The following SLC25A28 variants were observed in gnomAD, a reference collection of about 807,000 sequenced individuals.
SLC25A28 encodes solute carrier family 25 member 28.
Under a neutral mutation model 31.9 loss-of-function variants are expected in SLC25A28, and 10 were observed. That is an observed-to-expected ratio of 0.31 (90% CI 0.19 to 0.53). SLC25A28 has a LOEUF of 0.53. Ranked by LOEUF, SLC25A28 falls within the 20% of genes least tolerant of loss-of-function variation. The pLI, the probability that SLC25A28 is intolerant of heterozygous loss-of-function variation, is 0.95. For missense variants in SLC25A28, 256 were observed against 490.3 expected, an observed-to-expected ratio of 0.52 and a Z score of 4.51; for synonymous variants, 208 against 203.6, an observed-to-expected ratio of 1.02 and a Z score of -0.19.
At chr10:99,624,601 G>A (rs766757971), upstream of SLC25A28, among the ~76,000 whole-genome samples, 50 of 152,188 alleles carry the variant, frequency 3.3e-4, no homozygotes, top group Admixed American at 2.6e-4. Flanking sequence ...TTGGGAGACC[G>A]AGGCAGGTAG....
upstream of SLC25A28, among the ~76,000 whole-genome samples, chr10:99,624,172 CT>C (rs1467338575): frequency 6.9e-6 from 1 of 145,382 alleles, no homozygotes; most frequent in Non-Finnish European, 1.5e-5. Context: ...TTTCTCCTTC[CT>C]TCCTTTTTTT....
the SLC25A28 span, among the ~76,000 whole-genome samples, chr10:99,636,313 A>G: frequency 1.3e-5 from 2 of 152,238 alleles, no homozygotes; most frequent in Admixed American, 1.3e-4. Context: ...AATCAACTCC[A>G]AAAGGAACCT....
rs1185613597 is a variant in SLC25A28, at chr10:99,611,773, C to G, written c.578-407G>C. ...CCCTAACAATCCCAATCCTCGCATA[C>G]AAAGAGCACCTAACTTTTAAAATGT... is the stretch of plus-strand genomic sequence containing the variant. On this transcript the variant is annotated intron_variant, in intron 3 of 3. Transcript: ENST00000370495. The surrounding 1 kb of genome is among the most constrained non-coding windows in gnomAD (Gnocchi z 5.5). Among the ~76,000 whole-genome samples, 1 of 152,178 alleles carries G rather than the reference C, an allele frequency of 6.6e-6. No homozygotes were observed. The highest frequency in any genetic ancestry group is 2.4e-5 in the African/African-American group (1 of 41,438).
chr10:99,618,219 C>T (rs1365750588), intron 1 of SLC25A28: 2 of 935,194 alleles, frequency 2.1e-6, no homozygotes, highest in African/African-American at 3.6e-5. Context: ...TTTATAGCAA[C>T]AATAGCACTA....
the SLC25A28 span, among the ~76,000 whole-genome samples, chr10:99,635,557 A>G: frequency 3.9e-5 from 6 of 152,242 alleles, no homozygotes; most frequent in East Asian, 1.2e-3. Context: ...ACACACCTGT[A>G]GTTCCAGCTA....
At chr10:99,641,073 A>G in the SLC25A28 span, among the ~76,000 whole-genome samples, 8 of 152,214 alleles carry the variant, frequency 5.3e-5, no homozygotes, top group Admixed American at 4.6e-4. Context: ...TCCTTTGGGT[A>G]TATACCCAGT....
At chr10:99,623,746 A>G (rs1040609924), upstream of SLC25A28, among the ~76,000 whole-genome samples, 5 of 152,190 alleles carry the variant, frequency 3.3e-5, no homozygotes, top group Non-Finnish European at 7.4e-5. Context: ...CCTCTGCCAC[A>G]TGACTAGTGA....
At chr10:99,622,700 C>T (rs906591018), upstream of SLC25A28, 3 of 985,332 alleles carry the variant, frequency 3.0e-6, no homozygotes, top group African/African-American at 5.2e-5. Context: ...TTACACTTCT[C>T]TAGCCATTGA....
chr10:99,618,550 T>A, intron 1 of SLC25A28: 1 of 985,436 alleles, frequency 1.0e-6, no homozygotes, highest in South Asian at 4.7e-5. Flanking sequence ...TGTGCATCTT[T>A]TTTATTTATA....
In SLC25A28 at chr10:99,613,671, G is replaced by A. The variant is rs149129501; in HGVS notation, c.520+25C>T. The A allele has an allele frequency of 3.2e-5, 52 of 1,614,114 alleles. No individual in the cohort carries two copies. In the African/African-American group the frequency reaches 6.0e-4, roughly 19 times the overall value. ...AGCCCAAAGAGTTGGGAAAGTGGGG[G>A]AACCAGCACAGGAAGGCTCAATACC... On this transcript the variant is annotated intron_variant, in intron 2 of 3. Transcript: ENST00000370495. The surrounding 1 kb of genome is among the most constrained non-coding windows in gnomAD (Gnocchi z 4.9).
chr10:99,647,417 G>T, the SLC25A28 span, among the ~76,000 whole-genome samples: 1 of 152,174 alleles, frequency 6.6e-6, no homozygotes, highest in African/African-American at 2.4e-5. Context: ...GATTAGTGAT[G>T]TTGAACACTT....
the SLC25A28 span, among the ~76,000 whole-genome samples, chr10:99,654,420 G>A: frequency 6.6e-6 from 1 of 152,064 alleles, no homozygotes. Flanking sequence ...TTATAAGATG[G>A]TTACAGCAGC....
the SLC25A28 span, among the ~76,000 whole-genome samples, chr10:99,631,302 C>G: frequency 6.6e-6 from 1 of 152,168 alleles, no homozygotes; most frequent in Non-Finnish European, 1.5e-5. Flanking sequence ...ACCCTAGAAG[C>G]TGGGCTATTA....
chr10:99,640,090 G>A, the SLC25A28 span, among the ~76,000 whole-genome samples: 113 of 152,278 alleles, frequency 7.4e-4, no homozygotes, highest in Admixed American at 1.5e-3. Flanking sequence ...ATTTATGAGC[G>A]GCTCACTATG....
At chr10:99,621,065 G>C, upstream of SLC25A28, 3 of 866,478 alleles carry the variant, frequency 3.5e-6, no homozygotes, top group Non-Finnish European at 4.2e-6. Context: ...GCCGGCCTGG[G>C]CCGGTCATCC....
the SLC25A28 span, among the ~76,000 whole-genome samples, chr10:99,648,260 G>A: frequency 1.3e-5 from 2 of 151,552 alleles, no homozygotes; most frequent in East Asian, 3.9e-4. Context: ...GTCTTCCAAA[G>A]TGCTGGAATT....
upstream of SLC25A28, among the ~76,000 whole-genome samples, chr10:99,623,177 C>T (rs562666281): frequency 9.2e-5 from 14 of 152,134 alleles, no homozygotes; most frequent in Non-Finnish European, 1.5e-4. Context: ...ACAGTAGGTA[C>T]GACAACCCTA....
the SLC25A28 span, among the ~76,000 whole-genome samples, chr10:99,634,480 T>C: frequency 6.6e-6 from 1 of 151,936 alleles, no homozygotes; most frequent in Non-Finnish European, 1.5e-5. Flanking sequence ...TCGAACACAC[T>C]TATAGAAATG....
the SLC25A28 span, among the ~76,000 whole-genome samples, chr10:99,630,854 A>G: frequency 6.6e-6 from 1 of 152,308 alleles, no homozygotes; most frequent in East Asian, 1.9e-4. Context: ...ATGATATACT[A>G]AAATCATATG....
Sources: allele counts gnomAD v4.1 joint callset (sites outside exome capture counted in the v4.1 genomes callset), GRCh38; gene constraint gnomAD v4.1.1; non-coding constraint Gnocchi (gnomAD v3.1); transcripts MANE v1.5; gene names NCBI Gene and HGNC (gene_info 2026-07-23, HGNC 2026-07-21).